Variants in PLEKHO2 observed in about 807,000 individuals in gnomAD.
The protein encoded by PLEKHO2 is pleckstrin homology domain-containing family O member 2.
In PLEKHO2, 20 loss-of-function variants were observed where a neutral mutation model predicts 32.7. The ratio of observed to expected loss-of-function variants is 0.61; its 90% CI spans 0.43 to 0.89. The LOEUF is 0.89. Among genes scored for constraint, PLEKHO2 ranks in the 40% least tolerant of loss-of-function variants. The pLI is 0.00. For missense variants in PLEKHO2, 568 were observed against 621.2 expected (o/e 0.91, Z 0.91); for synonymous variants, 247 against 246.3 (o/e 1.00, Z -0.03).
At chr15:64,858,040 C>T (rs1340665327) in intron 3 of PLEKHO2, among the ~76,000 whole-genome samples, 3 of 152,160 alleles carry the variant, frequency 2.0e-5, no homozygotes, top group Admixed American at 2.0e-4. Context: ...AGGGCTGGCC[C>T]CAGACTCCCT....
Position 64,855,027 on chromosome 15 carries a change from C to A in PLEKHO2, c.269C>A (p.Pro90Gln). 6.3e-7 allele frequency: 1 copy of A among 1,584,082 alleles called. No individual in the cohort carries two copies. The highest frequency in any genetic ancestry group is 1.2e-5 in the South Asian group (1 of 86,926). ...RKHRFILLRS[P>Q]GNKVSDIKFQ... is the part of the protein sequence containing the mutation. ...CACCGCTTTATCCTGCTGCGATCCC[C>A]AGGGAACAAGGTAGGGCGATGCCTG... Residue 90 changes from proline (P) to glutamine (Q), a missense_variant, in exon 3 of 6, where the codon CCA becomes CAA. Pro to Gln is a moderately conservative substitution (Grantham distance 76, BLOSUM62 -1). Transcript: ENST00000323544.
intron 1 of PLEKHO2, 43 bp downstream of exon 1, chr15:64,842,071 G>A: frequency 8.1e-7 from 1 of 1,232,132 alleles, no homozygotes; most frequent in Non-Finnish European, 1.0e-6. Flanking sequence ...GGGTCCTCGA[G>A]CCCCTCACGG....
rs1370217774 is a variant in PLEKHO2, at chr15:64,842,382, C to CTGTGTGTG, written c.12+355_12+356insGTGTGTGT. On this transcript the variant is annotated intron_variant, in intron 1 of 5. Coordinates refer to ENST00000323544, the MANE Select transcript of PLEKHO2 (RefSeq NM_025201.5). Reference sequence around the variant, plus strand: ...TACCGTGGTCGGATCCTGACTCTCTCTCTCTCTCTGTGTGTGTGTGTGTGT... The same window carrying CTGTGTGTG: ...TACCGTGGTCGGATCCTGACTCTCTCTGTGTGTGTCTCTCTCTGTGTGTGTGTGTGTGT... Among the ~76,000 whole-genome samples, 8 of 45,498 alleles carry CTGTGTGTG rather than the reference C, an allele frequency of 1.8e-4. 1 individual carries two copies. The East Asian group carries it at 0.011, about 62-fold the overall frequency. 29.8% of individuals were successfully genotyped at this position (45,498 alleles called of 152,430 possible).
At chr15:64,858,431 A>C (rs1171896279) in intron 3 of PLEKHO2, among the ~76,000 whole-genome samples, 1 of 152,232 alleles carries the variant, frequency 6.6e-6, no homozygotes, top group Non-Finnish European at 1.5e-5. Context: ...GACCGCCAAC[A>C]AAGAACTAGG....
chr15:64,861,605 G>T (rs1026299413), intron 5 of PLEKHO2, 30 bp downstream of exon 5: 13 of 1,538,700 alleles, frequency 8.4e-6, no homozygotes, highest in South Asian at 1.2e-5. Context: ...GGATGTTGGG[G>T]TTAGTTGAGC....
In PLEKHO2 at chr15:64,859,959, T is replaced by G. The variant is rs553052532; in HGVS notation, c.345T>G (p.Asn115Lys). Residue 115 changes from asparagine (N) to lysine (K), a missense_variant, in exon 4 of 6, where the codon AAT becomes AAG. Transcript: ENST00000323544. ...EEKESWIKAL[N>K]EGINRGKNKA... ...AGGAATCCTGGATCAAAGCCCTCAA[T>G]GAAGGGATTAACCGAGGCAAAAACA... 3 of 1,614,044 alleles carry G rather than the reference T, an allele frequency of 1.9e-6. No individual in the cohort carries two copies. The highest frequency in any genetic ancestry group is 2.5e-6 in the Non-Finnish European group (3 of 1,180,022).
At chr15:64,863,747 C>CT (rs71133492) in intron 5 of PLEKHO2, among the ~76,000 whole-genome samples, 100,546 of 142,606 alleles carry the variant, frequency 0.71, 36,389 homozygotes, top group East Asian at 0.91. Context: ...GCGAGACCCC[C>CT]TTTTTTTTTT....
intron 4 of PLEKHO2, among the ~76,000 whole-genome samples, chr15:64,861,120 T>C (rs1042029757): frequency 1.3e-5 from 2 of 151,874 alleles, no homozygotes; most frequent in Non-Finnish European, 2.9e-5. Context: ...GGGCAGACCT[T>C]TTCCAGAAAC....
intron 3 of PLEKHO2, among the ~76,000 whole-genome samples, chr15:64,857,018 C>T (rs978053884): frequency 1.5e-4 from 23 of 152,238 alleles, no homozygotes; most frequent in African/African-American, 4.8e-4. Flanking sequence ...TCCAGCCCCA[C>T]ACCCCTGCCC....
At chr15:64,846,024 T>TG (rs1263938580) in intron 1 of PLEKHO2, among the ~76,000 whole-genome samples, 1 of 152,192 alleles carries the variant, frequency 6.6e-6, no homozygotes, top group Non-Finnish European at 1.5e-5. Flanking sequence ...GTGCTGTCCT[T>TG]GCTGTTGCCG....
At position 64,865,264 on chromosome 15, in the gene PLEKHO2, T is replaced by C. The variant is rs368801513; in HGVS notation, c.849T>C (p.Pro283=). The C allele has an allele frequency of 1.2e-6, 2 of 1,613,982 alleles. No individual in the cohort carries two copies. Among genetic ancestry groups the C allele is most frequent in the Non-Finnish European group, 1.7e-6 (2 of 1,179,910 alleles). Residue 283 remains proline (P), a synonymous_variant, in exon 6 of 6, where the codon CCT becomes CCC. Coordinates refer to ENST00000323544, the MANE Select transcript of PLEKHO2 (RefSeq NM_025201.5). ...AGAACCCCAGCCCCCAGGAGGCCCCTGCTGCAGAGAGTGCAGAACCGTCCC... is the reference window on the plus strand; with the variant it reads ...AGAACCCCAGCCCCCAGGAGGCCCCCGCTGCAGAGAGTGCAGAACCGTCCC... ...SWENPSPQEA[P]AAESAEPSQA... is the part of the protein sequence containing the mutation.
At chr15:64,848,392 A>G (rs2084538810) in intron 1 of PLEKHO2, among the ~76,000 whole-genome samples, 1 of 152,242 alleles carries the variant, frequency 6.6e-6, no homozygotes, top group African/African-American at 2.4e-5. Flanking sequence ...GGCTCAGAGT[A>G]AAGTGGCTGC....
At chr15:64,855,190 C>T (rs1342946799) in intron 3 of PLEKHO2, among the ~76,000 whole-genome samples, 153 bp downstream of exon 3, 1 of 152,204 alleles carries the variant, frequency 6.6e-6, no homozygotes, top group African/African-American at 2.4e-5. Flanking sequence ...ATAGGTCAGA[C>T]CTTTGCTCAT....
At chr15:64,844,445 G>T (rs900025450) in intron 1 of PLEKHO2, among the ~76,000 whole-genome samples, 2 of 152,246 alleles carry the variant, frequency 1.3e-5, no homozygotes, top group Non-Finnish European at 2.9e-5. Context: ...GCGAATATCA[G>T]TGGGGGTATT....
chr15:64,859,784 G>C lies in PLEKHO2; in HGVS notation c.280-110G>C, dbSNP rs151314358. Reference sequence around the variant, plus strand: ...CAAAGCCCCAGTGTCATACTTAACTGTGGGGTCATTTTGGTTTGACTTTGG... The same window carrying C: ...CAAAGCCCCAGTGTCATACTTAACTCTGGGGTCATTTTGGTTTGACTTTGG... On this transcript the variant is annotated intron_variant, in intron 3 of 5. Transcript: ENST00000323544. 1.6e-4 allele frequency: 132 copies of C among 849,110 alleles called. 1 individual carries two copies. In the East Asian group the frequency reaches 3.0e-3, roughly 19 times the overall value. The allele number at this position is 849,110 out of a possible 1,614,324, so 52.6% of individuals were successfully genotyped here.
At chr15:64,857,608 C>T (rs940099910) in intron 3 of PLEKHO2, among the ~76,000 whole-genome samples, 4 of 152,170 alleles carry the variant, frequency 2.6e-5, no homozygotes, top group African/African-American at 7.2e-5. Flanking sequence ...ATGCCTGGCT[C>T]GTTCAGCCAG....
chr15:64,842,133 A>G, intron 1 of PLEKHO2, 105 bp downstream of exon 1: 1 of 1,065,974 alleles, frequency 9.4e-7, no homozygotes, highest in Non-Finnish European at 1.2e-6. Context: ...CACTCCCGCC[A>G]GTCTCACCTC....
intron 3 of PLEKHO2, among the ~76,000 whole-genome samples, chr15:64,857,712 C>T (rs1261459961): frequency 6.6e-6 from 1 of 152,162 alleles, no homozygotes; most frequent in Non-Finnish European, 1.5e-5. Context: ...TAGGTCTTCT[C>T]TGAGGCCATT....
rs7179562 is a variant in PLEKHO2 at position 64,849,742 on chromosome 15, G to T, written c.162+1000G>T. Among the ~76,000 whole-genome samples the T allele has an allele frequency of 4.0e-5, 6 of 148,908 alleles. No homozygotes were observed. The East Asian group carries it at 8.0e-4, about 20-fold the overall frequency. ...ACAGGCGTGAGCCTGCGTGCCCAGC[G>T]GAGAGTTCTTTGAACTGTATGTGCA... On this transcript the variant is annotated intron_variant, in intron 2 of 5. Coordinates refer to ENST00000323544, the MANE Select transcript of PLEKHO2 (RefSeq NM_025201.5).
Sources: allele counts gnomAD v4.1 joint callset (sites outside exome capture counted in the v4.1 genomes callset), GRCh38; gene constraint gnomAD v4.1.1; transcripts MANE v1.5; gene names NCBI Gene and HGNC (gene_info 2026-07-23, HGNC 2026-07-21).